AHI1: variants seen among roughly 807,000 people sequenced by gnomAD.
AHI1 encodes the protein Abelson helper integration site 1, also known as jouberin.
AHI1 carries 123 observed loss-of-function variants against 149.3 expected under a neutral mutation model. That is an observed-to-expected ratio of 0.82 (90% CI 0.71 to 0.96). The LOEUF (loss-of-function observed/expected upper bound fraction) is 0.96. AHI1 is among the 40% of genes least tolerant of loss of function. AHI1 has a pLI of 0.00. For missense variants in AHI1, 1,439 were observed against 1,422.7 expected (o/e 1.01, Z -0.18); for synonymous variants, 475 against 459.8 (o/e 1.03, Z -0.42).
chr6:135,325,304 G>A (rs1436130282), intron 24 of AHI1, among the ~76,000 whole-genome samples: 2 of 152,212 alleles, frequency 1.3e-5, no homozygotes, highest in African/African-American at 4.8e-5. Context: ...TGGGATTACA[G>A]GCGTGAGCCA....
intron 7 of AHI1, among the ~76,000 whole-genome samples, chr6:135,464,447 C>A (rs1790420053): frequency 1.3e-5 from 2 of 152,156 alleles, no homozygotes; most frequent in Admixed American, 6.5e-5. Flanking sequence ...CTAAGATGGA[C>A]CTTACTGATC....
At chr6:135,290,574 G>A (rs1235777047) in intron 27 of AHI1, 49 bp from the exon 28 acceptor site, 2 of 1,600,292 alleles carry the variant, frequency 1.2e-6, no homozygotes, top group Admixed American at 3.3e-5. Context: ...AGAGAGCTGA[G>A]CTAAAAGCTC....
chr6:135,491,855 T>C (rs574852658), intron 4 of AHI1, among the ~76,000 whole-genome samples: 7 of 152,332 alleles, frequency 4.6e-5, no homozygotes, highest in African/African-American at 1.7e-4. Context: ...GAGACAGAGT[T>C]GAGCAGTTAT....
chr6:135,328,356 C>T (rs1788026661), intron 24 of AHI1, among the ~76,000 whole-genome samples: 1 of 152,194 alleles, frequency 6.6e-6, no homozygotes, highest in African/African-American at 2.4e-5. Flanking sequence ...ACAGCATGTG[C>T]TTACTTGTGT....
intron 23 of AHI1, among the ~76,000 whole-genome samples, chr6:135,385,092 C>T (rs116507298): frequency 6.6e-6 from 1 of 152,010 alleles, no homozygotes; most frequent in East Asian, 1.9e-4. Flanking sequence ...CCATCCCCCC[C>T]ACCTCCCAAA....
At chr6:135,382,912 AAAAAAAAAAAAAAAATAT>A (rs1197588132) in intron 23 of AHI1, among the ~76,000 whole-genome samples, 2 of 103,454 alleles carry the variant, frequency 1.9e-5, no homozygotes, top group African/African-American at 3.7e-5. Flanking sequence ...AAAAAAAAAA[AAAAAAAAAAAAAAAATAT>A]ATATATATAT....
At chr6:135,308,032 G>A (rs1420217529) in intron 26 of AHI1, among the ~76,000 whole-genome samples, 1 of 152,206 alleles carries the variant, frequency 6.6e-6, no homozygotes, top group Non-Finnish European at 1.5e-5. Flanking sequence ...GGACAGCAGA[G>A]TTAGGGTGAC....
chr6:135,362,130 G>A (rs1793988956), intron 23 of AHI1, among the ~76,000 whole-genome samples: 1 of 150,964 alleles, frequency 6.6e-6, no homozygotes, highest in African/African-American at 2.4e-5. Context: ...GTGAGTGTGT[G>A]TATATATATA....
In AHI1 at chr6:135,285,367, G is replaced by T; in HGVS notation, c.*278C>A. The T allele has an allele frequency of 2.0e-6, 1 of 502,856 alleles. No homozygotes were observed. Among genetic ancestry groups the T allele is most frequent in the Non-Finnish European group, 3.6e-6 (1 of 281,062 alleles). 31.1% of individuals were successfully genotyped at this position (502,856 alleles called of 1,614,324 possible). On this transcript the variant is annotated 3_prime_UTR_variant, in exon 29 of 29. Coordinates refer to ENST00000265602, the MANE Select transcript of AHI1 (RefSeq NM_001134831.2). Reference sequence around the variant, plus strand: ...TTTTCTTCATTAGTTTTCCAACACTGGTAATGTAATTATGATGCAATTACT... The same window carrying T: ...TTTTCTTCATTAGTTTTCCAACACTTGTAATGTAATTATGATGCAATTACT...
At chr6:135,300,426 G>T in intron 27 of AHI1, 74 bp downstream of exon 27, 1 of 1,337,014 alleles carries the variant, frequency 7.5e-7, no homozygotes, top group South Asian at 1.6e-5. Flanking sequence ...ATAAAAATAA[G>T]AAATGGAGAA....
chr6:135,452,058 A>G (rs780725339), intron 11 of AHI1, among the ~76,000 whole-genome samples: 3 of 152,166 alleles, frequency 2.0e-5, no homozygotes, highest in Non-Finnish European at 4.4e-5. Flanking sequence ...CTAACCTCCA[A>G]TATGGATTAA....
At chr6:135,478,551 G>A (rs146217058) in intron 5 of AHI1, among the ~76,000 whole-genome samples, 110 of 152,244 alleles carry the variant, frequency 7.2e-4, no homozygotes, top group African/African-American at 2.5e-3. Flanking sequence ...AAAAAACTAT[G>A]CTCATTTGCA....
chr6:135,456,709 A>G (rs1391270566), intron 9 of AHI1, among the ~76,000 whole-genome samples: 4 of 152,134 alleles, frequency 2.6e-5, no homozygotes, highest in African/African-American at 9.7e-5. Context: ...GGCTTTCCAA[A>G]CAATTTTTTA....
At chr6:135,495,448 C>T (rs542006843) in intron 3 of AHI1, 2 of 152,350 alleles carry the variant, frequency 1.3e-5, no homozygotes, top group African/African-American at 4.8e-5. Flanking sequence ...TATCCCCTCC[C>T]CTGAAAAATG....
At chr6:135,410,157 A>G (rs1437185813) in intron 21 of AHI1, among the ~76,000 whole-genome samples, 1 of 152,152 alleles carries the variant, frequency 6.6e-6, no homozygotes, top group Non-Finnish European at 1.5e-5. Flanking sequence ...GCTTGAGGCT[A>G]GGAGTTGGAG....
At chr6:135,479,192 C>T (rs938024432) in intron 5 of AHI1, among the ~76,000 whole-genome samples, 1 of 152,072 alleles carries the variant, frequency 6.6e-6, no homozygotes, top group African/African-American at 2.4e-5. Flanking sequence ...GGGGCACTGC[C>T]TAGGGGCACT....
intron 23 of AHI1, among the ~76,000 whole-genome samples, chr6:135,369,500 A>G (rs1242249275): frequency 6.6e-6 from 1 of 152,184 alleles, no homozygotes; most frequent in Non-Finnish European, 1.5e-5. Flanking sequence ...TCTCCTTGCT[A>G]AGCTTTTTAT....
At chr6:135,304,796 C>T (rs182091595) in intron 26 of AHI1, among the ~76,000 whole-genome samples, 9 of 152,162 alleles carry the variant, frequency 5.9e-5, no homozygotes, top group Non-Finnish European at 1.0e-4. Flanking sequence ...ATCCTGATCA[C>T]GATTTGTAGT....
At chr6:135,412,166 AT>A (rs1167104539) in intron 20 of AHI1, among the ~76,000 whole-genome samples, 1 of 152,206 alleles carries the variant, frequency 6.6e-6, no homozygotes, top group Non-Finnish European at 1.5e-5. Flanking sequence ...TGGATAAAAA[AT>A]ATTCAGAAAA....
Sources: gnomAD v4.1 joint callset for allele counts (sites outside exome capture counted in the v4.1 genomes callset) on GRCh38, gnomAD v4.1.1 for gene constraint, MANE v1.5 for transcripts, NCBI Gene and HGNC (gene_info 2026-07-23, HGNC 2026-07-21) for gene names.